Variants in FEZ2 observed in about 807,000 individuals in gnomAD.
The protein encoded by FEZ2 is fasciculation and elongation protein zeta 2, also known as fasciculation and elongation protein zeta-2.
FEZ2 carries 51 observed loss-of-function variants against 40.4 expected under a neutral mutation model. That is an observed-to-expected ratio of 1.26 (90% CI 1.01 to 1.59). The LOEUF (loss-of-function observed/expected upper bound fraction) is 1.59. Among genes scored for constraint, FEZ2 ranks in the 40% most tolerant of loss-of-function variants. FEZ2 has a pLI of 0.00. For missense variants in FEZ2, 640 were observed against 438.3 expected (o/e 1.46, Z -4.11); for synonymous variants, 242 against 172.0 (o/e 1.41, Z -3.18).
chr2:36,571,907 C>T (rs1668423851), intron 5 of FEZ2, among the ~76,000 whole-genome samples: 1 of 148,620 alleles, frequency 6.7e-6, no homozygotes, highest in South Asian at 2.2e-4. Context: ...CCCAGCTACT[C>T]GGGAGGCTGA....
In FEZ2 at chr2:36,562,195, T is replaced by A. The variant is rs578136723; in HGVS notation, c.904-3682A>T. Among the ~76,000 whole-genome samples, 649 of 152,320 alleles carry A rather than the reference T, an allele frequency of 4.3e-3. 3 individuals carry two copies. The highest frequency in any genetic ancestry group is 0.015 in the African/African-American group (628 of 41,572). On this transcript the variant is annotated intron_variant, in intron 5 of 7. Transcript: ENST00000405912. ...ATTTTTTCATGATTTTGTAAAATAT[T>A]ATTTTTCATAAATATATGCTCTTTA...
intron 5 of FEZ2, among the ~76,000 whole-genome samples, chr2:36,566,138 A>T (rs1668231791): frequency 6.6e-6 from 1 of 152,204 alleles, no homozygotes; most frequent in South Asian, 2.1e-4. Context: ...CAGGAGATGG[A>T]GACCATCCTG....
At chr2:36,556,072 C>T (rs10181664) in intron 6 of FEZ2, 140,708 of 505,338 alleles carry the variant, frequency 0.28, 20,849 homozygotes, top group Middle Eastern at 0.38. Context: ...TGTAATAATA[C>T]CGGAAAGTGG....
chr2:36,597,917 C>G lies in FEZ2; in HGVS notation c.226G>C (p.Val76Leu), dbSNP rs963719254. 1 of 1,421,188 alleles carries G rather than the reference C, an allele frequency of 7.0e-7. No homozygotes were observed. The allele number at this position is 1,421,188 out of a possible 1,614,324, so 88.0% of individuals were successfully genotyped here. A position where few individuals can be genotyped will look rare whatever the true frequency, so the allele number is the denominator to read the frequency against. Reference protein sequence around the residue: ...DPGAEPPRTAVRPITERSLLQ... With the variant: ...DPGAEPPRTALRPITERSLLQ... ...AGGCTGCGCTCCGTGATGGGCCGCACGGCCGTCCTCGGGGGCTCGGCGCCC... is the reference window on the plus strand; with the variant it reads ...AGGCTGCGCTCCGTGATGGGCCGCAGGGCCGTCCTCGGGGGCTCGGCGCCC... Residue 76 changes from valine (V) to leucine (L), a missense_variant, in exon 1 of 8, where the codon GTG becomes CTG. Physicochemically the swap from Val to Leu is conservative, Grantham distance 32 (BLOSUM62 1). Transcript: ENST00000405912.
chr2:36,572,301 G>A (rs903862560), intron 5 of FEZ2, among the ~76,000 whole-genome samples: 1 of 152,100 alleles, frequency 6.6e-6, no homozygotes, highest in African/African-American at 2.4e-5. Context: ...CTATCACTCA[G>A]GCTGCTGCTG....
At chr2:36,590,605 T>C in intron 2 of FEZ2, 1 of 239,772 alleles carries the variant, frequency 4.2e-6, no homozygotes, top group East Asian at 9.3e-5. Context: ...GAGGCAGAGG[T>C]TGTAGTAAGC....
chr2:36,588,401 TA>T (rs1462954930), intron 2 of FEZ2, among the ~76,000 whole-genome samples: 13 of 152,142 alleles, frequency 8.5e-5, no homozygotes, highest in African/African-American at 1.2e-4. Flanking sequence ...GCCATATCAT[TA>T]CCGTGGCATT....
At chr2:36,569,493 G>T (rs536321329) in intron 5 of FEZ2, among the ~76,000 whole-genome samples, 127 of 152,294 alleles carry the variant, frequency 8.3e-4, no homozygotes, top group Admixed American at 1.8e-3. Flanking sequence ...CAGAAAACAA[G>T]TTAACACTTA....
chr2:36,573,396 T>C (rs1668471167), intron 5 of FEZ2, among the ~76,000 whole-genome samples: 1 of 152,260 alleles, frequency 6.6e-6, no homozygotes, highest in African/African-American at 2.4e-5. Flanking sequence ...TATTCTTGTA[T>C]TCATGAGAAC....
At chr2:36,567,506 A>T (rs1160737616) in intron 5 of FEZ2, among the ~76,000 whole-genome samples, 1 of 152,178 alleles carries the variant, frequency 6.6e-6, no homozygotes, top group Non-Finnish European at 1.5e-5. Context: ...TCACGCCTGT[A>T]ATCCCAGCAC....
intron 1 of FEZ2, among the ~76,000 whole-genome samples, chr2:36,593,759 C>T (rs1417644122): frequency 1.3e-5 from 2 of 151,998 alleles, no homozygotes; most frequent in Non-Finnish European, 2.9e-5. Flanking sequence ...GAGACATTTT[C>T]CCCATGGTCG....
chr2:36,565,701 C>T (rs1389142172), intron 5 of FEZ2, among the ~76,000 whole-genome samples: 4 of 152,132 alleles, frequency 2.6e-5, no homozygotes, highest in African/African-American at 4.8e-5. Context: ...ACACTAAAAA[C>T]GTGGTAGTTG....
intron 5 of FEZ2, among the ~76,000 whole-genome samples, chr2:36,570,235 G>A (rs879804421): frequency 6.6e-5 from 10 of 151,808 alleles, no homozygotes; most frequent in Non-Finnish European, 1.2e-4. Flanking sequence ...TAAAAAAACA[G>A]ATCTAAGTAA....
intron 1 of FEZ2, among the ~76,000 whole-genome samples, chr2:36,597,295 A>T (rs1669255614): frequency 6.6e-6 from 1 of 151,950 alleles, no homozygotes; most frequent in African/African-American, 2.4e-5. Context: ...TCGTTTGCAC[A>T]TTTCTTTATA....
chr2:36,583,709 G>C (rs557258419), intron 2 of FEZ2, among the ~76,000 whole-genome samples: 3 of 152,120 alleles, frequency 2.0e-5, no homozygotes, highest in Non-Finnish European at 2.9e-5. Context: ...TATAAAAGCT[G>C]ACAGATATGC....
At chr2:36,573,442 G>A (rs1668474158) in intron 5 of FEZ2, among the ~76,000 whole-genome samples, 2 of 152,190 alleles carry the variant, frequency 1.3e-5, no homozygotes, top group South Asian at 2.1e-4. Context: ...AATGTCTGAT[G>A]TAACAGAAGC....
intron 5 of FEZ2, among the ~76,000 whole-genome samples, chr2:36,576,863 C>T (rs1356930141): frequency 6.6e-6 from 1 of 152,194 alleles, no homozygotes; most frequent in African/African-American, 2.4e-5. Flanking sequence ...AAAACGAAGC[C>T]TTTAAACCCC....
intron 5 of FEZ2, among the ~76,000 whole-genome samples, chr2:36,576,606 A>G (rs1319510416): frequency 6.6e-6 from 1 of 152,244 alleles, no homozygotes; most frequent in East Asian, 1.9e-4. Flanking sequence ...GGAAACTAGT[A>G]CTGCAAGCTT....
intron 2 of FEZ2, among the ~76,000 whole-genome samples, chr2:36,585,403 T>C (rs1456653567): frequency 4.8e-4 from 73 of 152,112 alleles, no homozygotes; most frequent in South Asian, 2.1e-4. Context: ...CTCGTAATGA[T>C]AGTAAAGTGA....
Sources: allele counts gnomAD v4.1 joint callset (sites outside exome capture counted in the v4.1 genomes callset), GRCh38; gene constraint gnomAD v4.1.1; transcripts MANE v1.5; gene names NCBI Gene and HGNC (gene_info 2026-07-23, HGNC 2026-07-21).